OTOG: variants seen among roughly 807,000 people sequenced by gnomAD.
OTOG encodes otogelin.
A neutral mutation model predicts 313.8 loss-of-function variants in OTOG; 296 were observed. The observed-to-expected ratio is 0.94, with a 90% CI of 0.86 to 1.04. OTOG has a LOEUF of 1.04. Among genes scored for constraint, OTOG ranks in the 50% least tolerant of loss-of-function variants. The pLI is 0.00. For missense variants in OTOG, 3,948 were observed against 3,840.1 expected, an observed-to-expected ratio of 1.03 and a Z score of -0.74; for synonymous variants, 1,533 against 1,554.9, an observed-to-expected ratio of 0.99 and a Z score of 0.33.
intron 33 of OTOG, 131 bp from the exon 34 acceptor site, chr11:17,608,165 G>GTT: frequency 3.3e-6 from 2 of 609,292 alleles, no homozygotes; most frequent in Non-Finnish European, 5.5e-6. Flanking sequence ...CCTTAGTGTG[G>GTT]TTTTTTCCCC....
At chr11:17,550,697 C>T (rs1311610299) in intron 3 of OTOG, among the ~76,000 whole-genome samples, 1 of 151,914 alleles carries the variant, frequency 6.6e-6, no homozygotes, top group Non-Finnish European at 1.5e-5. Context: ...TTCCTGTGAC[C>T]CTGCCCTCTC....
intron 53 of OTOG, among the ~76,000 whole-genome samples, chr11:17,642,691 T>C (rs1344798788): frequency 6.6e-6 from 1 of 152,210 alleles, no homozygotes; most frequent in Non-Finnish European, 1.5e-5. Context: ...AGCACTAGCA[T>C]GGACAACTGT....
At position 17,559,048 on chromosome 11, in the gene OTOG, A is replaced by C. The variant is rs149163390; in HGVS notation, c.1104-4A>C. 682 of 1,547,916 alleles carry C rather than the reference A, an allele frequency of 4.4e-4. 2 individuals carry two copies. The African/African-American group carries it at 8.4e-3, about 19-fold the overall frequency. On this transcript the variant is annotated splice_region_variant and splice_polypyrimidine_tract_variant and intron_variant, in intron 10 of 55. Coordinates refer to ENST00000399397, the MANE Select transcript of OTOG (RefSeq NM_001292063.2). Reference sequence around the variant, plus strand: ...CCAGTGTGACCCTTGGTTTCTCTGCACAGATCAATGGGTGATGTAGCCACC... The same window carrying C: ...CCAGTGTGACCCTTGGTTTCTCTGCCCAGATCAATGGGTGATGTAGCCACC...
intron 14 of OTOG, among the ~76,000 whole-genome samples, chr11:17,561,383 G>GGGTACTTTATTAA (rs1852179131): frequency 2.0e-5 from 3 of 152,332 alleles, no homozygotes; most frequent in Admixed American, 2.0e-4. Flanking sequence ...AGACCTTCCC[G>GGGTACTTTATTAA]AGCTAGGGGT....
chr11:17,609,693 G>A lies in OTOG; in HGVS notation c.4393G>A (p.Gly1465Ser). 13 of 1,515,712 alleles carry A rather than the reference G, an allele frequency of 8.6e-6. No homozygotes were observed. The highest frequency in any genetic ancestry group is 1.2e-5 in the Non-Finnish European group (13 of 1,129,246). 93.9% of individuals were successfully genotyped at this position (1,515,712 alleles called of 1,614,324 possible). ...AGTTTGGGTTCCCACAGAGGCCCTT[G>A]GCAATGAGACCCTCCCTCCCAGTCA... ...PAVWVPTEAL[G>S]NETLPPSQGL... Residue 1465 changes from glycine to serine, a missense_variant, in exon 36 of 56, where the codon GGC becomes AGC. Transcript: ENST00000399397.
At chr11:17,589,111 C>T (rs1852872569) in intron 24 of OTOG, among the ~76,000 whole-genome samples, 1 of 152,166 alleles carries the variant, frequency 6.6e-6, no homozygotes, top group African/African-American at 2.4e-5. Flanking sequence ...ACATCCACAC[C>T]TTTACTTCCT....
intron 12 of OTOG, among the ~76,000 whole-genome samples, chr11:17,560,081 G>T (rs1337073944): frequency 6.6e-6 from 1 of 152,230 alleles, no homozygotes; most frequent in Non-Finnish European, 1.5e-5. Flanking sequence ...GCTTCTTAAG[G>T]TGTGTATGAG....
intron 36 of OTOG, 68 bp downstream of exon 36, chr11:17,611,491 C>T (rs1411897992): frequency 3.6e-6 from 5 of 1,396,008 alleles, no homozygotes; most frequent in Non-Finnish European, 4.8e-6. Flanking sequence ...CTCTTCCCTG[C>T]TAGATGGAGT....
chr11:17,622,454 C>G (rs61880562), intron 39 of OTOG, among the ~76,000 whole-genome samples: 1 of 152,026 alleles, frequency 6.6e-6, no homozygotes, highest in African/African-American at 2.4e-5. Context: ...GTTGTGCTAT[C>G]AAACACTAAG....
intron 17 of OTOG, chr11:17,570,599 C>A: frequency 2.0e-6 from 1 of 490,700 alleles, no homozygotes; most frequent in Non-Finnish European, 3.5e-6. Context: ...ACCTCAGGAG[C>A]TTGTTAAAAC....
At chr11:17,547,758 G>T (rs1295063114) in intron 1 of OTOG, among the ~76,000 whole-genome samples, 169 bp from the exon 2 acceptor site, 1 of 152,150 alleles carries the variant, frequency 6.6e-6, no homozygotes, top group African/African-American at 2.4e-5. Flanking sequence ...GATCCTGGCT[G>T]GAGAAGGGTC....
chr11:17,592,245 A>G (rs1852963804), intron 25 of OTOG, among the ~76,000 whole-genome samples: 1 of 152,204 alleles, frequency 6.6e-6, no homozygotes, highest in Admixed American at 6.5e-5. Context: ...CTAATAGCCT[A>G]TCTCATCTTA....
intron 23 of OTOG, among the ~76,000 whole-genome samples, chr11:17,581,008 T>C (rs924079445): frequency 5.9e-5 from 9 of 152,122 alleles, no homozygotes; most frequent in Admixed American, 5.9e-4. Flanking sequence ...GATCAGTAGT[T>C]TTTGAAGAAG....
chr11:17,607,539 C>T (rs564062068), intron 33 of OTOG, among the ~76,000 whole-genome samples: 3 of 152,346 alleles, frequency 2.0e-5, no homozygotes, highest in South Asian at 2.1e-4. Flanking sequence ...GTAATAATAG[C>T]GCCTACTTCC....
chr11:17,630,634 T>G (rs905167345), intron 40 of OTOG, among the ~76,000 whole-genome samples: 9 of 152,142 alleles, frequency 5.9e-5, no homozygotes, highest in African/African-American at 2.2e-4. Flanking sequence ...AGAAAATGAG[T>G]CTTTGCACTC....
At chr11:17,627,380 A>G (rs1308096833) in intron 39 of OTOG, among the ~76,000 whole-genome samples, 2 of 152,034 alleles carry the variant, frequency 1.3e-5, no homozygotes, top group South Asian at 2.1e-4. Context: ...AAATGATCAT[A>G]TGGTTTTTTT....
rs1449287595 is a variant in OTOG at position 17,642,144 on chromosome 11, C to T, written c.8313C>T (p.Ile2771=). 2.1e-5 allele frequency: 33 copies of T among 1,546,136 alleles called. No homozygotes were observed. Among genetic ancestry groups the T allele is most frequent in the Admixed American group, 9.9e-5 (5 of 50,760 alleles). Residue 2771 remains isoleucine, a synonymous_variant, in exon 53 of 56, where the codon ATC becomes ATT. Transcript: ENST00000399397. ...CCCTCCAGCCCGGGGCATCCTGGAT[C>T]GCAGACTGCGCCCGCCACCACTGCA... is the stretch of plus-strand genomic sequence containing the variant. ...TSLFLPGASW[I]ADCARHHCSS... is the part of the protein sequence containing the mutation.
chr11:17,572,337 G>A, intron 18 of OTOG, 133 bp downstream of exon 18: 1 of 1,289,244 alleles, frequency 7.8e-7, no homozygotes, highest in Non-Finnish European at 1.0e-6. Flanking sequence ...AGGAGGAGCA[G>A]CAGGGAGGGG....
At chr11:17,631,953 CA>C in intron 41 of OTOG, 31 bp downstream of exon 41, 4 of 1,546,680 alleles carry the variant, frequency 2.6e-6, no homozygotes, top group Non-Finnish European at 3.5e-6. Context: ...GCACTGGGGA[CA>C]CCTCCTGGGC....
Sources: gnomAD v4.1 joint callset for allele counts (sites outside exome capture counted in the v4.1 genomes callset) on GRCh38, gnomAD v4.1.1 for gene constraint, MANE v1.5 for transcripts, NCBI Gene and HGNC (gene_info 2026-07-23, HGNC 2026-07-21) for gene names.